GTPBP1: variants seen among roughly 807,000 people sequenced by gnomAD.
The protein encoded by GTPBP1 is GTP binding protein 1.
A neutral mutation model predicts 62.0 loss-of-function variants in GTPBP1; 23 were observed. That is an observed-to-expected ratio of 0.37 (90% CI 0.27 to 0.53). The LOEUF (loss-of-function observed/expected upper bound fraction) is 0.53. Among genes scored for constraint, GTPBP1 ranks in the 20% least tolerant of loss-of-function variants. The pLI is 0.89. For synonymous variants in GTPBP1, 344 were observed against 364.4 expected, an observed-to-expected ratio of 0.94 and a Z score of 0.64; for missense variants, 640 against 917.3, an observed-to-expected ratio of 0.70 and a Z score of 3.90.
chr22:38,723,325 G>T, intron 5 of GTPBP1: 1 of 831,128 alleles, frequency 1.2e-6, no homozygotes, highest in Non-Finnish European at 2.1e-6. Context: ...CAGGTGCATG[G>T]TATGAGGAGC....
downstream of GTPBP1, among the ~76,000 whole-genome samples, chr22:38,737,564 C>T (rs1569293613): frequency 6.6e-6 from 1 of 152,182 alleles, no homozygotes; most frequent in Admixed American, 6.5e-5. The surrounding 1 kb of genome is among the most constrained non-coding windows in gnomAD (Gnocchi z 4.1). Context: ...GGCTTATTTC[C>T]TGCCTCTCTG....
intron 1 of GTPBP1, among the ~76,000 whole-genome samples, chr22:38,707,295 GTT>G (rs1057439592): frequency 2.6e-5 from 4 of 152,220 alleles, no homozygotes; most frequent in Non-Finnish European, 5.9e-5. Flanking sequence ...CTTTGAAAAT[GTT>G]TGTGACTTTT....
At position 38,729,557 on chromosome 22, in the gene GTPBP1, G is replaced by C. The variant is rs773864981; in HGVS notation, c.1812G>C (p.Glu604Asp). 1 of 1,603,406 alleles carries C rather than the reference G, an allele frequency of 6.2e-7. No homozygotes were observed. Among genetic ancestry groups the C allele is most frequent in the Non-Finnish European group, 8.5e-7 (1 of 1,174,964 alleles). The change falls in exon 11 of 12, where the codon GAG (glutamate) becomes GAC (aspartate). Residue 604 changes from glutamate to aspartate, a missense_variant. Physicochemically the swap from Glu to Asp is conservative, Grantham distance 45 (BLOSUM62 2). Transcript: ENST00000216044. ...AGGGCCCCCTGACGAAACGAGACGAGGGGGGCCCGTCTGGTGGGCCAGCAG... is the reference window on the plus strand; with the variant it reads ...AGGGCCCCCTGACGAAACGAGACGACGGGGGCCCGTCTGGTGGGCCAGCAG... ...TKKGPLTKRD[E>D]GGPSGGPAVG... is the part of the protein sequence containing the mutation.
rs1241094102 is a variant in GTPBP1, at chr22:38,730,489, G to A, written c.1918-123G>A. On this transcript the variant is annotated intron_variant, in intron 11 of 11. Transcript: ENST00000216044. The surrounding 1 kb of genome is among the most constrained non-coding windows in gnomAD (Gnocchi z 5.6). The stretch of plus-strand genomic sequence containing the variant: ...CCCAGTAAATTCCTGGTCAGGCTAG[G>A]GTGAGGACCACGCAGCCTGCTCACG... 2.7e-5 allele frequency: 19 copies of A among 702,066 alleles called. 1 individual carries two copies. The highest frequency in any genetic ancestry group is 2.2e-4 in the South Asian group (14 of 62,806). 43.5% of individuals were successfully genotyped at this position (702,066 alleles called of 1,614,324 possible).
chr22:38,722,974 C>G, intron 5 of GTPBP1: 1 of 869,490 alleles, frequency 1.2e-6, no homozygotes, highest in Non-Finnish European at 2.0e-6. Flanking sequence ...AGTGCAAGAC[C>G]AGAACCTTCT....
chr22:38,714,024 C>T (rs777990301), intron 2 of GTPBP1, among the ~76,000 whole-genome samples: 2 of 152,038 alleles, frequency 1.3e-5, no homozygotes, highest in African/African-American at 4.8e-5. Context: ...AACTGGCATT[C>T]AGGAGACAAG....
At chr22:38,735,512 G>A (rs2092796534), downstream of GTPBP1, 1 of 279,758 alleles carries the variant, frequency 3.6e-6, no homozygotes, top group Non-Finnish European at 7.1e-6. Context: ...GCAGGAACAG[G>A]GAGCAGGGTG....
At chr22:38,741,128 TA>T, downstream of GTPBP1, 1 of 1,501,192 alleles carries the variant, frequency 6.7e-7, no homozygotes, top group Non-Finnish European at 9.1e-7. Flanking sequence ...TGCTGTCTGT[TA>T]GCGTCTTTGC....
At chr22:38,709,968 G>C (rs2092628855) in intron 2 of GTPBP1, among the ~76,000 whole-genome samples, 1 of 152,214 alleles carries the variant, frequency 6.6e-6, no homozygotes, top group African/African-American at 2.4e-5. Flanking sequence ...GTCACTCCTA[G>C]TTAGCAACTT....
chr22:38,708,087 C>T (rs966577250), intron 1 of GTPBP1, among the ~76,000 whole-genome samples: 2 of 152,166 alleles, frequency 1.3e-5, no homozygotes, highest in Non-Finnish European at 2.9e-5. Context: ...TATATTTGCT[C>T]TTTACAGTGG....
downstream of GTPBP1, chr22:38,739,277 GA>G: frequency 6.5e-7 from 1 of 1,538,988 alleles, no homozygotes; most frequent in Non-Finnish European, 9.0e-7. The surrounding 1 kb of genome is among the most constrained non-coding windows in gnomAD (Gnocchi z 6.7). Context: ...CAACCTGGTA[GA>G]TGCCAGGGGA....
chr22:38,727,253 C>T lies in GTPBP1; in HGVS notation c.1442C>T (p.Ser481Phe). 6.2e-7 allele frequency: 1 copy of T among 1,602,584 alleles called. No homozygotes were observed. The highest frequency in any genetic ancestry group is 1.1e-5 in the South Asian group (1 of 89,596). ...ATCCGGAAGGGCATGGTGATGGTTT[C>T]CCCACGTTTGAATCCCCAAGCCTCC... The part of the protein sequence containing the change: ...SSIRKGMVMV[S>F]PRLNPQASWE... The change falls in exon 9 of 12, where the codon TCC (serine) becomes TTC (phenylalanine). Residue 481 changes from serine to phenylalanine, a missense_variant. Physicochemically the swap from Ser to Phe is radical, Grantham distance 155 (BLOSUM62 -2). Coordinates refer to ENST00000216044, the MANE Select transcript of GTPBP1 (RefSeq NM_004286.5). The surrounding 1 kb of genome is among the most constrained non-coding windows in gnomAD (Gnocchi z 6.5).
chr22:38,730,946 C>T lies in GTPBP1; in HGVS notation c.*242C>T. 1.9e-6 allele frequency: 1 copy of T among 521,324 alleles called. No homozygotes were observed. 32.3% of individuals were successfully genotyped at this position (521,324 alleles called of 1,614,324 possible). On this transcript the variant is annotated 3_prime_UTR_variant, in exon 12 of 12. Transcript: ENST00000216044. This position sits in a 1 kb window ranked among gnomAD's most constrained non-coding sequence, Gnocchi z 5.6. The stretch of plus-strand genomic sequence containing the variant: ...CTCCCCACCTTCTTCCTCACTCACA[C>T]ATTTTTTGTACATCTGGGCCCTTAG...
At chr22:38,723,542 C>T in intron 5 of GTPBP1, 1 of 620,150 alleles carries the variant, frequency 1.6e-6, no homozygotes, top group Non-Finnish European at 2.9e-6. Context: ...TTGTCTTGTA[C>T]TTAGGTCTTG....
chr22:38,706,465 C>A, intron 1 of GTPBP1: 1 of 227,216 alleles, frequency 4.4e-6, no homozygotes, highest in East Asian at 8.6e-5. Flanking sequence ...GCGCTCCGCG[C>A]GTTCCCTGTC....
intron 5 of GTPBP1, chr22:38,722,806 C>A: frequency 6.3e-7 from 1 of 1,595,476 alleles, no homozygotes; most frequent in East Asian, 2.2e-5. Context: ...GTAGGAGAAT[C>A]CAGTGTCCAG....
At chr22:38,708,055 G>T (rs2092616549) in intron 1 of GTPBP1, among the ~76,000 whole-genome samples, 1 of 152,204 alleles carries the variant, frequency 6.6e-6, no homozygotes, top group Non-Finnish European at 1.5e-5. Flanking sequence ...TTGAGCTGTG[G>T]ACTAGATGCT....
chr22:38,738,378 C>T, downstream of GTPBP1: 1 of 1,116,968 alleles, frequency 9.0e-7, no homozygotes. This position sits in a 1 kb window ranked among gnomAD's most constrained non-coding sequence, Gnocchi z 6.6. Context: ...TGGCCTATGA[C>T]AAGTCACTTC....
intron 6 of GTPBP1, 190 bp from the exon 7 acceptor site, chr22:38,725,816 G>A (rs2092723706): frequency 1.6e-6 from 1 of 612,150 alleles, no homozygotes; most frequent in Admixed American, 2.8e-5. Flanking sequence ...CCTCAGAGTA[G>A]GGCTGGCCAG....
Sources: gnomAD v4.1 joint callset for allele counts (sites outside exome capture counted in the v4.1 genomes callset) on GRCh38, gnomAD v4.1.1 for gene constraint, Gnocchi (gnomAD v3.1) non-coding constraint, MANE v1.5 for transcripts, NCBI Gene and HGNC (gene_info 2026-07-23, HGNC 2026-07-21) for gene names.